The following APBB2 variants were observed in gnomAD, a reference collection of about 807,000 sequenced individuals.
The protein encoded by APBB2 is Fe65-like 1.
Under a neutral mutation model 82.5 loss-of-function variants are expected in APBB2, and 38 were observed. That is an observed-to-expected ratio of 0.46 (90% confidence interval 0.36 to 0.60). The LOEUF is 0.60. Ranked by LOEUF, APBB2 falls within the 20% of genes least tolerant of loss-of-function variation. The pLI is 0.00. For missense variants in APBB2, 772 were observed against 972.3 expected, an observed-to-expected ratio of 0.79 and a Z score of 2.74; for synonymous variants, 341 against 368.2, an observed-to-expected ratio of 0.93 and a Z score of 0.85.
chr4:40,859,806 C>T (rs1212290984), intron 12 of APBB2, among the ~76,000 whole-genome samples: 1 of 152,140 alleles, frequency 6.6e-6, no homozygotes, highest in Non-Finnish European at 1.5e-5. Context: ...CTCCAGTCCC[C>T]TTTTCTTCTT....
At chr4:41,040,739 G>A (rs1721035818) in intron 4 of APBB2, among the ~76,000 whole-genome samples, 1 of 152,122 alleles carries the variant, frequency 6.6e-6, no homozygotes, top group Non-Finnish European at 1.5e-5. Flanking sequence ...TTCTTTTGAA[G>A]TTTGTGTCCA....
intron 3 of APBB2, among the ~76,000 whole-genome samples, chr4:41,089,959 C>T (rs865858300): frequency 1.3e-5 from 2 of 152,064 alleles, no homozygotes; most frequent in South Asian, 2.1e-4. Flanking sequence ...ATTTATATAA[C>T]GAAACACTAG....
At chr4:41,049,667 C>T (rs1420200899) in intron 4 of APBB2, among the ~76,000 whole-genome samples, 1 of 152,270 alleles carries the variant, frequency 6.6e-6, no homozygotes, top group South Asian at 2.1e-4. Context: ...GCCATGATGA[C>T]GATGGCGGTT....
intron 7 of APBB2, among the ~76,000 whole-genome samples, chr4:40,944,316 C>T (rs1331627561): frequency 6.6e-6 from 1 of 152,176 alleles, no homozygotes; most frequent in Non-Finnish European, 1.5e-5. Context: ...TCCTCAGGGA[C>T]AGCAGAAATT....
intron 12 of APBB2, among the ~76,000 whole-genome samples, chr4:40,836,665 T>C (rs1364866401): frequency 1.3e-5 from 2 of 151,358 alleles, no homozygotes; most frequent in African/African-American, 2.4e-5. Flanking sequence ...AGAAAGGGGG[T>C]TGAGGGAAAG....
At chr4:41,055,607 C>T (rs963823349) in intron 4 of APBB2, among the ~76,000 whole-genome samples, 1 of 152,230 alleles carries the variant, frequency 6.6e-6, no homozygotes, top group Non-Finnish European at 1.5e-5. Context: ...TCCCCAACAA[C>T]TTTTCTTGGT....
intron 3 of APBB2, among the ~76,000 whole-genome samples, chr4:41,093,298 G>A (rs1398883056): frequency 2.0e-5 from 3 of 152,204 alleles, no homozygotes; most frequent in African/African-American, 7.2e-5. Context: ...AGTTACAAGA[G>A]CACGTGAACT....
intron 3 of APBB2, among the ~76,000 whole-genome samples, chr4:41,077,953 T>C (rs549509992): frequency 1.3e-5 from 2 of 152,324 alleles, no homozygotes; most frequent in Admixed American, 6.5e-5. Flanking sequence ...TGTTTGACCT[T>C]ATTTGAGAAT....
intron 1 of APBB2, 62 bp downstream of exon 1, chr4:41,214,342 TC>T (rs1440367603): frequency 1.3e-5 from 2 of 152,182 alleles, no homozygotes; most frequent in African/African-American, 4.8e-5. Flanking sequence ...CCCGGGTGTT[TC>T]CCCAGCACTC....
chr4:41,068,473 G>T (rs746898224), intron 3 of APBB2, among the ~76,000 whole-genome samples: 1 of 152,178 alleles, frequency 6.6e-6, no homozygotes, highest in African/African-American at 2.4e-5. Context: ...ACGTCTCTTT[G>T]TTGAGAATGA....
chr4:41,041,121 T>C (rs576992593), intron 4 of APBB2, among the ~76,000 whole-genome samples: 8 of 152,156 alleles, frequency 5.3e-5, no homozygotes, highest in Non-Finnish European at 1.2e-4. Context: ...ATCTTGTGAT[T>C]CCCCCACCTT....
chr4:40,904,247 A>G (rs1476669736), intron 10 of APBB2, among the ~76,000 whole-genome samples: 4 of 152,100 alleles, frequency 2.6e-5, no homozygotes, highest in East Asian at 1.9e-4. Flanking sequence ...CCTGGCCAAC[A>G]TGGCGAAACC....
At chr4:41,064,589 C>A (rs549717244) in intron 4 of APBB2, among the ~76,000 whole-genome samples, 1 of 152,150 alleles carries the variant, frequency 6.6e-6, no homozygotes, top group African/African-American at 2.4e-5. Context: ...ACACACTGCC[C>A]TTCATAGAAA....
intron 6 of APBB2, among the ~76,000 whole-genome samples, chr4:41,001,877 C>CAA (rs548069823): frequency 4.2e-5 from 5 of 117,848 alleles, no homozygotes; most frequent in East Asian, 2.5e-4. Flanking sequence ...GACTCCGCCT[C>CAA]AAAAAAAAAA....
chr4:41,166,074 C>T (rs1347623986), intron 1 of APBB2, among the ~76,000 whole-genome samples: 2 of 151,438 alleles, frequency 1.3e-5, no homozygotes, highest in Non-Finnish European at 2.9e-5. Context: ...CGGGGTTTCA[C>T]CATGTTAGCC....
intron 6 of APBB2, among the ~76,000 whole-genome samples, chr4:40,959,080 C>T (rs538557679): frequency 6.6e-6 from 1 of 152,268 alleles, no homozygotes; most frequent in South Asian, 2.1e-4. Context: ...AGGAAGACTA[C>T]CTAGTCACTC....
intron 10 of APBB2, among the ~76,000 whole-genome samples, chr4:40,904,388 G>GC (rs1444565877): frequency 1.3e-5 from 2 of 151,874 alleles, no homozygotes; most frequent in Non-Finnish European, 2.9e-5. Flanking sequence ...CCGAGATGGC[G>GC]CCACTGCACT....
chr4:40,901,067 T>G (rs1578290312), intron 10 of APBB2, among the ~76,000 whole-genome samples: 1 of 152,132 alleles, frequency 6.6e-6, no homozygotes, highest in Non-Finnish European at 1.5e-5. Flanking sequence ...CAGTGTGGCT[T>G]GGGGCCCAGA....
At chr4:41,172,096 T>A (rs114527430) in intron 1 of APBB2, among the ~76,000 whole-genome samples, 1 of 152,082 alleles carries the variant, frequency 6.6e-6, no homozygotes, top group African/African-American at 2.4e-5. Context: ...CGAGACTCCA[T>A]CTCGAAACAA....
Sources: gnomAD v4.1 joint callset for allele counts (sites outside exome capture counted in the v4.1 genomes callset) on GRCh38, gnomAD v4.1.1 for gene constraint, MANE v1.5 for transcripts, NCBI Gene and HGNC (gene_info 2026-07-23, HGNC 2026-07-21) for gene names.